Variants in FDFT1 observed in about 807,000 individuals in gnomAD.
The protein encoded by FDFT1 is farnesyl-diphosphate farnesyltransferase 1.
FDFT1 carries 68 observed loss-of-function variants against 46.8 expected under a neutral mutation model. That is an observed-to-expected ratio of 1.45 (90% CI 1.19 to 1.78). The LOEUF is 1.78. Among genes scored for constraint, FDFT1 ranks in the 40% most tolerant of loss-of-function variants. The probability of loss-of-function intolerance (pLI) is 0.00; values close to 1 mark genes in which losing one functional copy is unlikely to be tolerated. For missense variants in FDFT1, 928 were observed against 524.4 expected (o/e 1.77, Z -7.52); for synonymous variants, 351 against 185.1 (o/e 1.90, Z -7.28).
rs1417294526 is a variant in FDFT1, at chr8:11,826,283, G to A, written c.702+68G>A. 4 of 1,242,968 alleles carry A rather than the reference G, an allele frequency of 3.2e-6. No homozygotes were observed. In the East Asian group the frequency reaches 9.7e-5, roughly 30 times the overall value. The allele number at this position is 1,242,968 out of a possible 1,614,324, so 77.0% of individuals were successfully genotyped here. On this transcript the variant is annotated intron_variant, in intron 5 of 7. Coordinates refer to ENST00000220584, the MANE Select transcript of FDFT1 (RefSeq NM_004462.5). Reference sequence around the variant, plus strand: ...TTCTCTGAAAAATCCTTTAACTCTTGTGGTTGCGGGTGACAGAAAAACAAG... The same window carrying A: ...TTCTCTGAAAAATCCTTTAACTCTTATGGTTGCGGGTGACAGAAAAACAAG...
At chr8:11,835,225 C>CTAGTAGGTTT (rs1811376080) in intron 7 of FDFT1, among the ~76,000 whole-genome samples, 1 of 152,170 alleles carries the variant, frequency 6.6e-6, no homozygotes, top group Non-Finnish European at 1.5e-5. Context: ...TTGATTGAGG[C>CTAGTAGGTTT]TAGTAGGTTT....
upstream of FDFT1, chr8:11,801,948 C>G (rs1435117447): frequency 1.1e-5 from 5 of 455,408 alleles, no homozygotes; most frequent in Non-Finnish European, 2.2e-5. Context: ...CTTGGCCTCC[C>G]AAAGTGTTGC....
At chr8:11,814,571 T>A (rs1297819181) in intron 3 of FDFT1, among the ~76,000 whole-genome samples, 1 of 152,230 alleles carries the variant, frequency 6.6e-6, no homozygotes, top group Non-Finnish European at 1.5e-5. Flanking sequence ...CCCATGGTGT[T>A]TTTGTATTGT....
chr8:11,801,383 G>T (rs187863930), upstream of FDFT1, among the ~76,000 whole-genome samples: 484 of 152,264 alleles, frequency 3.2e-3, 5 homozygotes, highest in African/African-American at 8.7e-3. Flanking sequence ...GCAATAGCGC[G>T]ATCTCAGCTC....
At chr8:11,812,634 A>G (rs1242357927) in intron 3 of FDFT1, among the ~76,000 whole-genome samples, 2 of 152,202 alleles carry the variant, frequency 1.3e-5, no homozygotes, top group Non-Finnish European at 2.9e-5. Flanking sequence ...ATTTTACTTA[A>G]GTTACTAGCT....
chr8:11,804,947 C>T (rs1458436751), intron 1 of FDFT1, among the ~76,000 whole-genome samples: 2 of 126,058 alleles, frequency 1.6e-5, no homozygotes, highest in Non-Finnish European at 3.2e-5. Context: ...CTCACTCCAT[C>T]GTCCAGGCTA....
chr8:11,796,189 A>G (rs1187366252), intron 1 of FDFT1, among the ~76,000 whole-genome samples: 1 of 152,256 alleles, frequency 6.6e-6, no homozygotes, highest in East Asian at 1.9e-4. Context: ...GCCAAATCCT[A>G]CTGTAATGGG....
At chr8:11,807,983 T>C (rs907200957) in intron 1 of FDFT1, 1 of 152,342 alleles carries the variant, frequency 6.6e-6, no homozygotes, top group African/African-American at 2.4e-5. Flanking sequence ...GATGGAAAAT[T>C]ATTACGAGGA....
Position 11,809,789 on chromosome 8 carries a change from C to G in FDFT1, c.320C>G (p.Pro107Arg), listed in dbSNP as rs1413004512. Residue 107 changes from proline to arginine, a missense_variant, in exon 3 of 8, where the codon CCA (proline) becomes CGA (arginine). Coordinates refer to ENST00000220584, the MANE Select transcript of FDFT1 (RefSeq NM_004462.5). ...LHNFHSFLYQ[P>R]DWRFMESKEK... Reference sequence around the variant, plus strand: ...AACTTTCACTCTTTCCTTTACCAACCAGACTGGCGGTTCATGGAGAGCAAG... The same window carrying G: ...AACTTTCACTCTTTCCTTTACCAACGAGACTGGCGGTTCATGGAGAGCAAG... 6.2e-7 allele frequency: 1 copy of G among 1,614,152 alleles called. No homozygotes were observed. The highest frequency in any genetic ancestry group is 2.2e-5 in the East Asian group (1 of 44,888).
At chr8:11,825,878 C>A (rs908261349) in intron 4 of FDFT1, 146 bp from the exon 5 acceptor site, 1 of 448,870 alleles carries the variant, frequency 2.2e-6, no homozygotes, top group Non-Finnish European at 4.0e-6. Context: ...TTTTTTAAAT[C>A]CTGGTATGTA....
At chr8:11,824,998 G>C (rs906267752) in intron 4 of FDFT1, among the ~76,000 whole-genome samples, 3 of 152,080 alleles carry the variant, frequency 2.0e-5, no homozygotes, top group African/African-American at 7.2e-5. Flanking sequence ...GCTTCCCAAA[G>C]TGCTGGGATT....
In FDFT1 at chr8:11,802,885, G is replaced by C; in HGVS notation, c.53G>C (p.Arg18Pro). The C allele has an allele frequency of 6.2e-7, 1 of 1,612,188 alleles. No homozygotes were observed. Among genetic ancestry groups the C allele is most frequent in the Non-Finnish European group, 8.5e-7 (1 of 1,179,078 alleles). Residue 18 changes from arginine (R) to proline (P), a missense_variant, in exon 1 of 8, where the codon CGC (arginine) becomes CCC (proline). Transcript: ENST00000220584. The stretch of plus-strand genomic sequence containing the variant: ...CCCGAAGAGTTCTACAACCTGGTGC[G>C]CTTCCGGATCGGGGGCAAGCGGAAG... ...GHPEEFYNLVRFRIGGKRKVM... is the reference protein window; with the variant it reads ...GHPEEFYNLVPFRIGGKRKVM...
Position 11,830,320 on chromosome 8 carries a change from A to G in FDFT1, c.779A>G (p.Asn260Ser). The G allele has an allele frequency of 1.2e-6, 2 of 1,613,532 alleles. No individual in the cohort carries two copies. The highest frequency in any genetic ancestry group is 2.2e-5 in the East Asian group (1 of 44,872). ...ATTGACTTGGCCGTGCAGTGCCTGA[A>G]TGAACTTATAACCAATGCACTGCAC... ...ENIDLAVQCL[N>S]ELITNALHHI... The change falls in exon 6 of 8, where the codon AAT becomes AGT. Residue 260 changes from asparagine to serine, a missense_variant. Coordinates refer to ENST00000220584, the MANE Select transcript of FDFT1 (RefSeq NM_004462.5).
chr8:11,831,047 C>A (rs941844513), intron 6 of FDFT1, among the ~76,000 whole-genome samples: 1 of 152,160 alleles, frequency 6.6e-6, no homozygotes, highest in African/African-American at 2.4e-5. Flanking sequence ...AAATACTTTA[C>A]CTTTGAGCAC....
At chr8:11,820,376 T>G (rs1334510031) in intron 3 of FDFT1, among the ~76,000 whole-genome samples, 2 of 152,208 alleles carry the variant, frequency 1.3e-5, no homozygotes, top group African/African-American at 4.8e-5. Flanking sequence ...CACTGCTCTC[T>G]TCAGAGCTGT....
upstream of FDFT1, among the ~76,000 whole-genome samples, chr8:11,798,774 G>A (rs2686193): frequency 4.1e-3 from 624 of 152,300 alleles, 3 homozygotes; most frequent in Non-Finnish European, 5.9e-3. Flanking sequence ...AGTATGTGCT[G>A]GGCACTATTC....
upstream of FDFT1, among the ~76,000 whole-genome samples, chr8:11,799,940 A>AC (rs1805933208): frequency 1.9e-5 from 2 of 103,276 alleles, no homozygotes; most frequent in African/African-American, 8.0e-5. Context: ...GTGAGACTCC[A>AC]TTTAAAAAAA....
Position 11,826,098 on chromosome 8 carries a change from C to G in FDFT1, c.585C>G (p.Pro195=), listed in dbSNP as rs780279430. ...TCTCAGCCTCAGAGTTTGAAGACCC[C>G]TTAGTTGGTGAAGATACAGAACGTG... The part of the protein sequence containing the change: ...RLFSASEFED[P]LVGEDTERAN... The change falls in exon 5 of 8, where the codon CCC becomes CCG. Residue 195 remains proline (P), a synonymous_variant. Transcript: ENST00000220584. 2.5e-6 allele frequency: 4 copies of G among 1,611,482 alleles called. No homozygotes were observed. Among genetic ancestry groups the G allele is most frequent in the Admixed American group, 1.7e-5 (1 of 59,970 alleles).
At position 11,821,732 on chromosome 8, in the gene FDFT1, T is replaced by C. The variant is rs770401274; in HGVS notation, c.382-18T>C. ...TACATATTTCATGATTTCTGTGTTT[T>C]TACGGTTTCCATTTCAGATCTCCCT... On this transcript the variant is annotated intron_variant, in intron 3 of 7. Coordinates refer to ENST00000220584, the MANE Select transcript of FDFT1 (RefSeq NM_004462.5). 1 of 1,612,080 alleles carries C rather than the reference T, an allele frequency of 6.2e-7. No homozygotes were observed. The highest frequency in any genetic ancestry group is 8.5e-7 in the Non-Finnish European group (1 of 1,178,640).
Sources: allele counts gnomAD v4.1 joint callset (sites outside exome capture counted in the v4.1 genomes callset), GRCh38; gene constraint gnomAD v4.1.1; transcripts MANE v1.5; gene names NCBI Gene and HGNC (gene_info 2026-07-23, HGNC 2026-07-21).